The following STK17B variants were observed in gnomAD, a reference collection of about 807,000 sequenced individuals.
STK17B encodes serine/threonine-protein kinase 17B.
In STK17B, 21 loss-of-function variants were observed where a neutral mutation model predicts 42.0. The ratio of observed to expected loss-of-function variants is 0.50; its 90% confidence interval spans 0.35 to 0.72. STK17B has a LOEUF of 0.72. STK17B is among the 30% of genes least tolerant of loss of function. The pLI is 0.00. For synonymous variants in STK17B, 143 were observed against 148.4 expected, an observed-to-expected ratio of 0.96 and a Z score of 0.26; for missense variants, 349 against 446.0, an observed-to-expected ratio of 0.78 and a Z score of 1.96.
At chr2:196,142,464 T>C (rs1426993596) in intron 5 of STK17B, among the ~76,000 whole-genome samples, 1 of 151,964 alleles carries the variant, frequency 6.6e-6, no homozygotes, top group African/African-American at 2.4e-5. Context: ...AAAAAAAAAG[T>C]GCAAAATAAA....
intron 3 of STK17B, among the ~76,000 whole-genome samples, chr2:196,147,560 C>T (rs1053892964): frequency 2.0e-5 from 3 of 152,090 alleles, no homozygotes; most frequent in Non-Finnish European, 4.4e-5. Context: ...GCAATCTAAA[C>T]ACAGTAAGCC....
chr2:196,171,955 C>G (rs186136850), upstream of STK17B, among the ~76,000 whole-genome samples: 62 of 152,272 alleles, frequency 4.1e-4, no homozygotes, highest in African/African-American at 1.5e-3. Flanking sequence ...AGAAGGAAGC[C>G]GCAAAATTCG....
In STK17B at chr2:196,134,534, A is replaced by C. The variant is rs1054100067; in HGVS notation, c.*2913T>G. ...GTCCTGTGGAAAAATTTTCTTCCAC[A>C]AAACCCGTCCCTAGTGCCAAAACAG... On this transcript the variant is annotated 3_prime_UTR_variant, in exon 8 of 8. Transcript: ENST00000263955. 1.3e-5 allele frequency: 2 copies of C among 152,234 alleles called. No homozygotes were observed. The highest frequency in any genetic ancestry group is 1.5e-5 in the Non-Finnish European group (1 of 68,038). 9.4% of individuals were successfully genotyped at this position (152,234 alleles called of 1,614,324 possible).
intron 1 of STK17B, among the ~76,000 whole-genome samples, chr2:196,166,772 T>C (rs114928728): frequency 0.016 from 2,362 of 152,296 alleles, 60 homozygotes; most frequent in African/African-American, 0.053. Context: ...AAGTGTGATG[T>C]GAACAAAAGC....
chr2:196,153,121 T>A (rs1699688907), intron 3 of STK17B: 1 of 151,922 alleles, frequency 6.6e-6, no homozygotes, highest in Non-Finnish European at 1.5e-5. Flanking sequence ...AAACCTTTTT[T>A]AGAATTTCAG....
At position 196,137,431 on chromosome 2, in the gene STK17B, G is replaced by C. The variant is rs769747241; in HGVS notation, c.*16C>G. The C allele has an allele frequency of 6.2e-7, 1 of 1,607,134 alleles. No individual in the cohort carries two copies. The highest frequency in any genetic ancestry group is 1.7e-5 in the Admixed American group (1 of 58,808). On this transcript the variant is annotated 3_prime_UTR_variant, in exon 8 of 8. Coordinates refer to ENST00000263955, the MANE Select transcript of STK17B (RefSeq NM_004226.4). Reference sequence around the variant, plus strand: ...AAAATTTCAAATTCAGTCCAAATGAGTCAAAGAAAAAAGTGCTAACAGAGC... The same window carrying C: ...AAAATTTCAAATTCAGTCCAAATGACTCAAAGAAAAAAGTGCTAACAGAGC...
intron 2 of STK17B, among the ~76,000 whole-genome samples, chr2:196,158,766 C>T (rs976015371): frequency 6.6e-6 from 1 of 152,046 alleles, no homozygotes; most frequent in Non-Finnish European, 1.5e-5. Context: ...AATACCAGCA[C>T]TTGGGGAGGC....
At chr2:196,173,648 A>G (rs1042526935), upstream of STK17B, among the ~76,000 whole-genome samples, 1 of 152,136 alleles carries the variant, frequency 6.6e-6, no homozygotes, top group African/African-American at 2.4e-5. Flanking sequence ...CTCATTCATC[A>G]CCGTGTCAAA....
intron 1 of STK17B, 67 bp from the exon 2 acceptor site, chr2:196,163,494 G>A (rs1699839099): frequency 1.7e-6 from 2 of 1,157,478 alleles, no homozygotes; most frequent in South Asian, 2.0e-5. Context: ...ACATTACACA[G>A]CTCCAAATAT....
chr2:196,173,110 A>G (rs923084575), upstream of STK17B, among the ~76,000 whole-genome samples: 2 of 152,230 alleles, frequency 1.3e-5, no homozygotes, highest in African/African-American at 4.8e-5. Flanking sequence ...CCAGTCCCAG[A>G]TCACTTCACA....
At position 196,156,464 on chromosome 2, in the gene STK17B, T is replaced by G. The variant is rs1368713731; in HGVS notation, c.310A>C (p.Ser104Arg). The G allele has an allele frequency of 3.1e-6, 5 of 1,613,868 alleles. 1 individual carries two copies. The South Asian group carries it at 5.5e-5, about 18-fold the overall frequency. ...INLHEVYENT[S>R]EIILILEYAA... The stretch of plus-strand genomic sequence containing the variant: ...TATTCCAATATCAAAATGATTTCAC[T>G]TGTATTTTCATAGACCTCATGAAGA... Residue 104 changes from serine to arginine, a missense_variant, in exon 3 of 8, where the codon AGT becomes CGT. Physicochemically the swap from Ser to Arg is moderately radical, Grantham distance 110 (BLOSUM62 -1). Transcript: ENST00000263955.
intron 1 of STK17B, among the ~76,000 whole-genome samples, chr2:196,167,277 C>G (rs1024193856): frequency 3.9e-5 from 6 of 152,180 alleles, no homozygotes; most frequent in African/African-American, 1.4e-4. Context: ...CAATTCTGTT[C>G]AGTGTTTAAA....
At chr2:196,147,581 C>T (rs771391065) in intron 3 of STK17B, among the ~76,000 whole-genome samples, 12 of 152,086 alleles carry the variant, frequency 7.9e-5, no homozygotes, top group East Asian at 1.9e-4. Context: ...AGTTAGAAGC[C>T]GCAAACATAT....
At chr2:196,164,053 TAAA>T (rs1326279733) in intron 1 of STK17B, among the ~76,000 whole-genome samples, 2 of 151,260 alleles carry the variant, frequency 1.3e-5, no homozygotes, top group Non-Finnish European at 2.9e-5. Flanking sequence ...AATAAATAAA[TAAA>T]TAAATAAATA....
rs1323510080 is a variant in STK17B at position 196,134,743 on chromosome 2, A to AT, written c.*2703dup. On this transcript the variant is annotated 3_prime_UTR_variant, in exon 8 of 8. Coordinates refer to ENST00000263955, the MANE Select transcript of STK17B (RefSeq NM_004226.4). The stretch of plus-strand genomic sequence containing the variant: ...TTTAGGGATCCTACCCAAAAAGCAA[A>AT]TTTAACTTTAAATTATCACAACATA... 7 of 152,160 alleles carry AT rather than the reference A, an allele frequency of 4.6e-5. No homozygotes were observed. The highest frequency in any genetic ancestry group is 2.0e-4 in the Admixed American group (3 of 15,264). The allele number at this position is 152,160 out of a possible 1,614,324, so 9.4% of individuals were successfully genotyped here.
chr2:196,173,309 G>T (rs1699969637), upstream of STK17B, among the ~76,000 whole-genome samples: 1 of 152,192 alleles, frequency 6.6e-6, no homozygotes, highest in Non-Finnish European at 1.5e-5. Flanking sequence ...CTTTAAGAAG[G>T]TTACCCTCTT....
At chr2:196,154,897 C>T (rs1192879610) in intron 3 of STK17B, 1 of 152,214 alleles carries the variant, frequency 6.6e-6, no homozygotes, top group Admixed American at 6.5e-5. Context: ...TAAACATTTT[C>T]TGAGTGCTTG....
intron 7 of STK17B, among the ~76,000 whole-genome samples, chr2:196,139,028 G>A (rs1207072762): frequency 3.3e-5 from 5 of 151,954 alleles, no homozygotes; most frequent in East Asian, 1.9e-4. Flanking sequence ...GTGCAGTGGC[G>A]CGATCTCTGC....
At chr2:196,147,586 A>G (rs73989840) in intron 3 of STK17B, among the ~76,000 whole-genome samples, 5,439 of 152,248 alleles carry the variant, frequency 0.036, 313 homozygotes, top group African/African-American at 0.12. Flanking sequence ...GAAGCCGCAA[A>G]CATATGGTGC....
Sources: gnomAD v4.1 joint callset for allele counts (sites outside exome capture counted in the v4.1 genomes callset) on GRCh38, gnomAD v4.1.1 for gene constraint, MANE v1.5 for transcripts, NCBI Gene and HGNC (gene_info 2026-07-23, HGNC 2026-07-21) for gene names.